Variants in TMPRSS2 observed in about 807,000 individuals in gnomAD.
TMPRSS2 encodes transmembrane serine protease 2.
In TMPRSS2, 59 loss-of-function variants were observed where a neutral mutation model predicts 67.4. That is an observed-to-expected ratio of 0.88 (90% confidence interval 0.71 to 1.09). The LOEUF (loss-of-function observed/expected upper bound fraction) is 1.09. Ranked by LOEUF, TMPRSS2 falls within the 50% of genes least tolerant of loss-of-function variation. TMPRSS2 has a pLI of 0.00. For synonymous variants in TMPRSS2, 257 were observed against 257.0 expected (o/e 1.00, Z 0.00); for missense variants, 668 against 642.7 (o/e 1.04, Z -0.43).
intron 10 of TMPRSS2, 88 bp from the exon 11 acceptor site, chr21:41,470,831 GCACCCT>G: frequency 4.5e-6 from 5 of 1,100,114 alleles, no homozygotes; most frequent in Non-Finnish European, 6.6e-6. Flanking sequence ...GCTGGGCCTG[GCACCCT>G]GGCCACCCTG....
At chr21:41,468,331 C>T (rs991562349) in intron 12 of TMPRSS2, 65 bp downstream of exon 12, 7 of 1,584,530 alleles carry the variant, frequency 4.4e-6, no homozygotes, top group African/African-American at 1.3e-5. Flanking sequence ...AGAATGCCCT[C>T]TCTCTCATGG....
At chr21:41,475,528 GGGTGAAGGGTGA>G (rs2091200800) in intron 8 of TMPRSS2, among the ~76,000 whole-genome samples, 1 of 29,356 alleles carries the variant, frequency 3.4e-5, no homozygotes, top group Non-Finnish European at 6.7e-5. Flanking sequence ...GTGAGTGAGG[GGGTGAAGGGTGA>G]GTGAGGGGGT....
rs751019170 is a variant in TMPRSS2 at position 41,476,587 on chromosome 21, T to C, written c.717A>G (p.Leu239=). The C allele has an allele frequency of 6.2e-7, 1 of 1,613,038 alleles. No individual in the cohort carries two copies. Among genetic ancestry groups the C allele is most frequent in the Admixed American group, 1.7e-5 (1 of 59,968 alleles). Residue 239 remains leucine (L), a synonymous_variant, in exon 8 of 14, where the codon TTA becomes TTG. Transcript: ENST00000332149. ...TCCAGATGAACTTACCTATACAGCGTAAAGAAACCACTGCTTTTGAAGAAC... is the reference window on the plus strand; with the variant it reads ...TCCAGATGAACTTACCTATACAGCGCAAAGAAACCACTGCTTTTGAAGAAC... ...DACSSKAVVS[L]RCIACGVNLN...
At chr21:41,506,907 G>A (rs1601595000) in intron 1 of TMPRSS2, among the ~76,000 whole-genome samples, 1 of 152,356 alleles carries the variant, frequency 6.6e-6, no homozygotes, top group East Asian at 1.9e-4. Context: ...CGGGACCACT[G>A]CACAGGTTCG....
chr21:41,506,187 T>A (rs866793401), intron 1 of TMPRSS2, among the ~76,000 whole-genome samples: 30 of 152,334 alleles, frequency 2.0e-4, no homozygotes, highest in Middle Eastern at 6.8e-3. Flanking sequence ...TGCCTGAGGC[T>A]CCAGCAACAG....
chr21:41,490,431 G>A (rs1330521733), intron 3 of TMPRSS2, among the ~76,000 whole-genome samples: 1 of 152,190 alleles, frequency 6.6e-6, no homozygotes, highest in Non-Finnish European at 1.5e-5. Context: ...GTAAAATGAT[G>A]TAAATTCAAG....
chr21:41,488,452 G>T lies in TMPRSS2; in HGVS notation c.387C>A (p.Pro129=). The change falls in exon 5 of 14, where the codon CCC becomes CCA. Residue 129 remains proline (P), a synonymous_variant. Transcript: ENST00000332149. ...GTGACACGCCATCACACCAGTTAGA[G>T]GGGTTGATGCAGGTACCTGAGGAGT... is the stretch of plus-strand genomic sequence containing the variant. ...ECDSSGTCIN[P]SNWCDGVSHC... The T allele has an allele frequency of 1.2e-6, 2 of 1,613,948 alleles. No homozygotes were observed. Among genetic ancestry groups the T allele is most frequent in the Non-Finnish European group, 1.7e-6 (2 of 1,179,926 alleles).
intron 5 of TMPRSS2, among the ~76,000 whole-genome samples, chr21:41,485,748 G>A (rs1242376709): frequency 6.6e-6 from 1 of 151,988 alleles, no homozygotes; most frequent in Admixed American, 6.6e-5. Flanking sequence ...CTTTATTTTA[G>A]AAACCAAATA....
intron 1 of TMPRSS2, among the ~76,000 whole-genome samples, chr21:41,503,842 A>G (rs1048381428): frequency 3.9e-5 from 6 of 152,194 alleles, no homozygotes; most frequent in Non-Finnish European, 5.9e-5. Context: ...ATCACCAGTG[A>G]ACTTGAAAAT....
At chr21:41,468,706 C>T (rs1186338321) in intron 11 of TMPRSS2, 168 bp from the exon 12 acceptor site, 3 of 669,576 alleles carry the variant, frequency 4.5e-6, no homozygotes, top group Non-Finnish European at 7.4e-6. Context: ...TCCTGGGAAA[C>T]CTGGATTCTC....
At chr21:41,472,487 C>A (rs915978270) in intron 9 of TMPRSS2, among the ~76,000 whole-genome samples, 2 of 152,132 alleles carry the variant, frequency 1.3e-5, no homozygotes, top group Non-Finnish European at 2.9e-5. Context: ...AGGGAGCACC[C>A]TTGGGTAACA....
In TMPRSS2 at chr21:41,478,925, G is replaced by A. The variant is rs530527676; in HGVS notation, c.683+247C>T. 2.0e-5 allele frequency among the ~76,000 whole-genome samples: 3 copies of A among 152,288 alleles called. No individual in the cohort carries two copies. The highest frequency in any genetic ancestry group is 1.9e-4 in the East Asian group (1 of 5,188). On this transcript the variant is annotated intron_variant, in intron 7 of 13. Coordinates refer to ENST00000332149, the MANE Select transcript of TMPRSS2 (RefSeq NM_005656.4). This position sits in a 1 kb window ranked among gnomAD's most constrained non-coding sequence, Gnocchi z 4.0. ...AATGTCGATGTTGCAAGTGTGAGCC[G>A]CTACCAACAAGGGCAGACGGTAGAG...
Position 41,489,359 on chromosome 21 carries a change from A to G in TMPRSS2, c.325+148T>C, listed in dbSNP as rs2298665. 8.2e-6 allele frequency: 5 copies of G among 611,164 alleles called. No homozygotes were observed. In the East Asian group the frequency reaches 1.1e-4, roughly 14 times the overall value. The allele number at this position is 611,164 out of a possible 1,614,324, so 37.9% of individuals were successfully genotyped here. ...GATGTGTCAATCTCATAGCTAAACA[A>G]GAGAAGGGAAGAGAGACAGCCTCGT... On this transcript the variant is annotated intron_variant, in intron 4 of 13. Transcript: ENST00000332149.
chr21:41,500,774 G>A (rs981754049), intron 1 of TMPRSS2, among the ~76,000 whole-genome samples: 105 of 152,330 alleles, frequency 6.9e-4, no homozygotes, highest in African/African-American at 2.3e-3. Flanking sequence ...TATCAAAAAC[G>A]TTTAAGCCTT....
chr21:41,476,518 G>C lies in TMPRSS2; in HGVS notation c.727+59C>G. ...CCAGAGACACAGGGAGTACTGTTCT[G>C]AAAGTAGAGAGCTTTTCCTAGTTAG... On this transcript the variant is annotated intron_variant, in intron 8 of 13. Transcript: ENST00000332149. 3.2e-6 allele frequency: 5 copies of C among 1,552,232 alleles called. No homozygotes were observed. In the Admixed American group the frequency reaches 8.3e-5, roughly 26 times the overall value.
chr21:41,500,431 C>A (rs2146500436), intron 1 of TMPRSS2, among the ~76,000 whole-genome samples: 1 of 152,318 alleles, frequency 6.6e-6, no homozygotes, highest in African/African-American at 2.4e-5. Flanking sequence ...CACCACGGAG[C>A]CAAGTAGAGT....
chr21:41,489,977 G>A (rs570302987), intron 3 of TMPRSS2, among the ~76,000 whole-genome samples: 2 of 151,972 alleles, frequency 1.3e-5, no homozygotes, highest in Admixed American at 6.5e-5. Flanking sequence ...GTGAAACCTC[G>A]TCTCTACTAA....
chr21:41,468,792 C>T (rs2091105980), intron 11 of TMPRSS2: 1 of 462,354 alleles, frequency 2.2e-6, no homozygotes, highest in Non-Finnish European at 3.9e-6. Context: ...AGCTCTGAAA[C>T]TATAGGGCTC....
At chr21:41,472,108 G>A in intron 9 of TMPRSS2, 127 bp from the exon 10 acceptor site, 1 of 885,328 alleles carries the variant, frequency 1.1e-6, no homozygotes, top group Non-Finnish European at 1.7e-6. Context: ...AACCACACAG[G>A]GAGATAGTGG....
Sources: gnomAD v4.1 joint callset for allele counts (sites outside exome capture counted in the v4.1 genomes callset) on GRCh38, gnomAD v4.1.1 for gene constraint, Gnocchi (gnomAD v3.1) non-coding constraint, MANE v1.5 for transcripts, NCBI Gene and HGNC (gene_info 2026-07-23, HGNC 2026-07-21) for gene names.